KRT38: variants seen among roughly 807,000 people sequenced by gnomAD.
The protein encoded by KRT38 is keratin, type I cuticular Ha8.
KRT38 carries 45 observed loss-of-function variants against 43.1 expected under a neutral mutation model. That is an observed-to-expected ratio of 1.04 (90% CI 0.82 to 1.34). KRT38 has a LOEUF of 1.34. Ranked by LOEUF, KRT38 falls within the 40% of genes most tolerant of loss-of-function variation. The pLI, the probability that KRT38 is intolerant of heterozygous loss-of-function variation, is 0.00. For missense variants in KRT38, 627 were observed against 586.2 expected (o/e 1.07, Z -0.72); for synonymous variants, 258 against 244.0 (o/e 1.06, Z -0.53).
chr17:41,438,398 G>T, intron 5 of KRT38, 85 bp from the exon 6 acceptor site: 1 of 1,606,290 alleles, frequency 6.2e-7, no homozygotes, highest in Non-Finnish European at 8.5e-7. Context: ...GATAACAGGT[G>T]GGAGAAACTT....
chr17:41,438,470 G>C (rs1395977206), intron 5 of KRT38, 21 bp downstream of exon 5: 4 of 1,614,086 alleles, frequency 2.5e-6, no homozygotes, highest in Admixed American at 3.3e-5. Context: ...TTGCAGTGCA[G>C]TGAGAGTGAA....
At position 41,436,783 on chromosome 17, in the gene KRT38, T is replaced by C. The variant is rs2018730343; in HGVS notation, c.*629A>G. ...TGGAAGCCATATGTAAGAGGCTGTG[T>C]TGCCACAGAAAAGGCAAGCCTGGTC... On this transcript the variant is annotated 3_prime_UTR_variant, in exon 7 of 7. Coordinates refer to ENST00000246646, the MANE Select transcript of KRT38 (RefSeq NM_006771.4). The C allele has an allele frequency of 6.6e-6, 1 of 152,180 alleles. No homozygotes were observed. The highest frequency in any genetic ancestry group is 2.1e-4 in the South Asian group (1 of 4,824). 9.4% of individuals were successfully genotyped at this position (152,180 alleles called of 1,614,324 possible).
Position 41,438,554 on chromosome 17 carries a change from C to T in KRT38, c.957G>A (p.Glu319=). The change falls in exon 5 of 7, where the codon GAG becomes GAA. Residue 319 remains glutamate, a synonymous_variant. Transcript: ENST00000246646. ...CSEELQCCQS[E]ILELRCTVNA... ...TCACCGTGCATCTCAGCTCCAGGAT[C>T]TCCGACTGGCAGCACTGCAGCTCCT... The T allele has an allele frequency of 6.2e-7, 1 of 1,614,198 alleles. No individual in the cohort carries two copies. Among genetic ancestry groups the T allele is most frequent in the Non-Finnish European group, 8.5e-7 (1 of 1,180,022 alleles).
At chr17:41,440,311 G>A in intron 1 of KRT38, 68 bp from the exon 2 acceptor site, 1 of 1,604,748 alleles carries the variant, frequency 6.2e-7, no homozygotes, top group South Asian at 1.1e-5. Flanking sequence ...CACGTGTGGT[G>A]TCTATGATCA....
Position 41,436,226 on chromosome 17 carries a change from C to A in KRT38, c.*1186G>T, listed in dbSNP as rs1311518645. Reference sequence around the variant, plus strand: ...AGTGGGCTAGGCTCTGGGGATGCAGCAATGAACAATTGTTAATCTTGGGTA... The same window carrying A: ...AGTGGGCTAGGCTCTGGGGATGCAGAAATGAACAATTGTTAATCTTGGGTA... On this transcript the variant is annotated 3_prime_UTR_variant, in exon 7 of 7. Coordinates refer to ENST00000246646, the MANE Select transcript of KRT38 (RefSeq NM_006771.4). 6.6e-6 allele frequency among the ~76,000 whole-genome samples: 1 copy of A among 152,116 alleles called. No individual in the cohort carries two copies. The highest frequency in any genetic ancestry group is 1.9e-4 in the East Asian group (1 of 5,196).
rs2018748430 is a variant in KRT38, at chr17:41,438,006, T to C, written c.1241+87A>G. 2.3e-6 allele frequency: 3 copies of C among 1,319,156 alleles called. No individual in the cohort carries two copies. The Admixed American group carries it at 5.5e-5, about 24-fold the overall frequency. The allele number at this position is 1,319,156 out of a possible 1,614,324, so 81.7% of individuals were successfully genotyped here. ...AAGGAGTGCACAGAGAGCCTCATTC[T>C]ACATAGAGACAGCCCTTCTGCTGCC... On this transcript the variant is annotated intron_variant, in intron 6 of 6. Coordinates refer to ENST00000246646, the MANE Select transcript of KRT38 (RefSeq NM_006771.4).
rs776163550 is a variant in KRT38 at position 41,438,820 on chromosome 17, G to A, written c.771C>T (p.Leu257=). ...KILRSQLGEK[L]RIELDIEPTI... ...TGGGCTCAATGTCCAGCTCAATCCG[G>A]AGCTTCTCCCCCAGCTGACTCCTCA... The change falls in exon 4 of 7, where the codon CTC becomes CTT. Residue 257 remains leucine (L), a synonymous_variant. Coordinates refer to ENST00000246646, the MANE Select transcript of KRT38 (RefSeq NM_006771.4). 3 of 1,614,132 alleles carry A rather than the reference G, an allele frequency of 1.9e-6. No individual in the cohort carries two copies. Among genetic ancestry groups the A allele is most frequent in the Non-Finnish European group, 2.5e-6 (3 of 1,180,014 alleles).
chr17:41,438,837 G>T lies in KRT38; in HGVS notation c.754C>A (p.Gln252Lys). 1 of 1,614,140 alleles carries T rather than the reference G, an allele frequency of 6.2e-7. No homozygotes were observed. The highest frequency in any genetic ancestry group is 8.5e-7 in the Non-Finnish European group (1 of 1,180,012). ...HEQEVKILRSQLGEKLRIELD... is the reference protein window; with the variant it reads ...HEQEVKILRSKLGEKLRIELD... The stretch of plus-strand genomic sequence containing the variant: ...TCAATCCGGAGCTTCTCCCCCAGCT[G>T]ACTCCTCAGAATCTTTACTTCCTGC... The change falls in exon 4 of 7, where the codon CAG becomes AAG. Residue 252 changes from glutamine to lysine, a missense_variant. Coordinates refer to ENST00000246646, the MANE Select transcript of KRT38 (RefSeq NM_006771.4).
rs552415442 is a variant in KRT38 at position 41,437,437 on chromosome 17, G to A, written c.1346C>T (p.Ala449Val). Residue 449 changes from alanine (A) to valine (V), a missense_variant, in exon 7 of 7, where the codon GCC becomes GTC. Ala to Val is a moderately conservative substitution (Grantham distance 64, BLOSUM62 0). Coordinates refer to ENST00000246646, the MANE Select transcript of KRT38 (RefSeq NM_006771.4). The part of the protein sequence containing the change: ...PCTTCGPTCG[A>V]STTGSRF ...TCAGAATCGGCTTCCGGTGGTGCTG[G>A]CTCCACAGGTGGGCCCACAGGTGGT... 1.9e-6 allele frequency: 3 copies of A among 1,568,190 alleles called. No homozygotes were observed. In the East Asian group the frequency reaches 7.3e-5, roughly 38 times the overall value.
Position 41,440,884 on chromosome 17 carries a change from C to T in KRT38, c.38G>A (p.Gly13Asp), listed in dbSNP as rs1191649582. ...TCTTGCTCCAGGAGCCATGGTGCAA[C>T]CCAGAGGGCATGAGGAGCTGCTGTA... ...SSYSSSSCPL[G>D]CTMAPGARNV... The change falls in exon 1 of 7, where the codon GGT becomes GAT. Residue 13 changes from glycine to aspartate, a missense_variant. Physicochemically the swap from Gly to Asp is moderately conservative, Grantham distance 94. Coordinates refer to ENST00000246646, the MANE Select transcript of KRT38 (RefSeq NM_006771.4). The T allele has an allele frequency of 3.8e-6, 6 of 1,560,960 alleles. No homozygotes were observed. Among genetic ancestry groups the T allele is most frequent in the Non-Finnish European group, 5.2e-6 (6 of 1,154,800 alleles).
intron 4 of KRT38, 21 bp from the exon 5 acceptor site, chr17:41,438,637 G>A: frequency 6.2e-7 from 1 of 1,613,912 alleles, no homozygotes; most frequent in Non-Finnish European, 8.5e-7. Flanking sequence ...GAGAGACACG[G>A]TCACCTCCCT....
intron 3 of KRT38, 27 bp downstream of exon 3, chr17:41,439,176 C>G (rs1190587302): frequency 1.2e-6 from 2 of 1,608,144 alleles, no homozygotes; most frequent in South Asian, 2.2e-5. Flanking sequence ...GTGCCCTCCC[C>G]AGGAGTTTGA....
Position 41,438,570 on chromosome 17 carries a change from T to C in KRT38, c.941A>G (p.Gln314Arg), listed in dbSNP as rs756738521. The C allele has an allele frequency of 3.1e-6, 5 of 1,614,166 alleles. No individual in the cohort carries two copies. In the South Asian group the frequency reaches 5.5e-5, roughly 18 times the overall value. ...LQDMSCSEEL[Q>R]CCQSEILELR... ...CTCCAGGATCTCCGACTGGCAGCAC[T>C]GCAGCTCCTCGGAGCAGGACATGTC... is the stretch of plus-strand genomic sequence containing the variant. Residue 314 changes from glutamine (Q) to arginine (R), a missense_variant, in exon 5 of 7, where the codon CAG becomes CGG. Physicochemically the swap from Gln to Arg is conservative, Grantham distance 43. Coordinates refer to ENST00000246646, the MANE Select transcript of KRT38 (RefSeq NM_006771.4).
At position 41,437,493 on chromosome 17, in the gene KRT38, G is replaced by T. The variant is rs757253265; in HGVS notation, c.1290C>A (p.Pro430=). The change falls in exon 7 of 7, where the codon CCC becomes CCA. Residue 430 remains proline, a synonymous_variant. Transcript: ENST00000246646. The part of the protein sequence containing the change: ...CSTSPSCVTA[P]CAPRPSCGPC... ...GGCCACAGCTTGGGCGAGGAGCACAGGGGGCAGTCACGCAGGAGGGAGACG... is the reference window on the plus strand; with the variant it reads ...GGCCACAGCTTGGGCGAGGAGCACATGGGGCAGTCACGCAGGAGGGAGACG... 1 of 1,561,220 alleles carries T rather than the reference G, an allele frequency of 6.4e-7. No homozygotes were observed. Among genetic ancestry groups the T allele is most frequent in the Non-Finnish European group, 8.6e-7 (1 of 1,161,348 alleles).
rs763573091 is a variant in KRT38 at position 41,437,426 on chromosome 17, CGGT to C, written c.1354_1356del (p.Thr452del). 2 of 1,567,424 alleles carry C rather than the reference CGGT, an allele frequency of 1.3e-6. No homozygotes were observed. Among genetic ancestry groups the C allele is most frequent in the Non-Finnish European group, 8.6e-7 (1 of 1,161,352 alleles). On this transcript the variant is annotated inframe_deletion, in exon 7 of 7. Transcript: ENST00000246646. ...TCCACAGGAATTCAGAATCGGCTTC[CGGT>C]GGTGCTGGCTCCACAGGTGGGCCCA...
In KRT38 at chr17:41,437,032, T is replaced by C. The variant is rs1343599071; in HGVS notation, c.*380A>G. 1 of 164,498 alleles carries C rather than the reference T, an allele frequency of 6.1e-6. No homozygotes were observed. The allele number at this position is 164,498 out of a possible 1,614,324, so 10.2% of individuals were successfully genotyped here. The stretch of plus-strand genomic sequence containing the variant: ...AAGAAATGTGGGAAATCTCAGACAG[T>C]GAAGTCTGTTCTTCACTTCCTTTGT... On this transcript the variant is annotated 3_prime_UTR_variant, in exon 7 of 7. Coordinates refer to ENST00000246646, the MANE Select transcript of KRT38 (RefSeq NM_006771.4).
At chr17:41,438,047 G>A in intron 6 of KRT38, 46 bp downstream of exon 6, 3 of 1,593,940 alleles carry the variant, frequency 1.9e-6, no homozygotes, top group Non-Finnish European at 2.6e-6. Context: ...GACCTCATCA[G>A]AATTGAGTAA....
At chr17:41,437,732 T>C (rs1463662004) in intron 6 of KRT38, among the ~76,000 whole-genome samples, 191 bp from the exon 7 acceptor site, 1 of 152,198 alleles carries the variant, frequency 6.6e-6, no homozygotes, top group Non-Finnish European at 1.5e-5. Flanking sequence ...ATGCCTTCCA[T>C]GATTAAAGTT....
Position 41,436,678 on chromosome 17 carries a change from A to G in KRT38, c.*734T>C, listed in dbSNP as rs1164421892. ...CAGGGACAGGGGTTATAGCCAGACA[A>G]GTCTGGAGAGTCAGAATTTATAGAG... is the stretch of plus-strand genomic sequence containing the variant. On this transcript the variant is annotated 3_prime_UTR_variant, in exon 7 of 7. Coordinates refer to ENST00000246646, the MANE Select transcript of KRT38 (RefSeq NM_006771.4). 6.6e-6 allele frequency: 1 copy of G among 152,260 alleles called. No homozygotes were observed. The highest frequency in any genetic ancestry group is 2.4e-5 in the African/African-American group (1 of 41,474). 9.4% of individuals were successfully genotyped at this position (152,260 alleles called of 1,614,324 possible). A position where few individuals can be genotyped will look rare whatever the true frequency, so the allele number is the denominator to read the frequency against.
Sources: gnomAD v4.1 joint callset for allele counts (sites outside exome capture counted in the v4.1 genomes callset) on GRCh38, gnomAD v4.1.1 for gene constraint, MANE v1.5 for transcripts, NCBI Gene and HGNC (gene_info 2026-07-23, HGNC 2026-07-21) for gene names.